Variants in HNRNPK observed in about 807,000 individuals in gnomAD.
HNRNPK encodes heterogeneous nuclear ribonucleoprotein K.
In HNRNPK, 7 loss-of-function variants were observed where a neutral mutation model predicts 67.0. The observed-to-expected ratio is 0.10, with a 90% confidence interval of 0.06 to 0.20. The LOEUF is 0.20. HNRNPK is among the 10% of genes least tolerant of loss of function. HNRNPK has a pLI of 1.00. For synonymous variants in HNRNPK, 213 were observed against 193.7 expected, an observed-to-expected ratio of 1.10 and a Z score of -0.83; for missense variants, 264 against 606.5, an observed-to-expected ratio of 0.44 and a Z score of 5.93.
At chr9:83,972,523 A>T (rs1042480004) in intron 10 of HNRNPK, among the ~76,000 whole-genome samples, 3 of 152,246 alleles carry the variant, frequency 2.0e-5, no homozygotes, top group Admixed American at 1.3e-4. Flanking sequence ...AGGGCTGAAG[A>T]GATCAGTCTT....
At chr9:83,976,382 G>C (rs1957064719) in intron 5 of HNRNPK, 1 of 152,366 alleles carries the variant, frequency 6.6e-6, no homozygotes, top group Admixed American at 6.5e-5. Flanking sequence ...GCTCACTTCT[G>C]GCACTGCCAA....
At chr9:83,969,517 A>G (rs1956725372) in intron 16 of HNRNPK, 77 bp from the exon 17 acceptor site, 1 of 880,020 alleles carries the variant, frequency 1.1e-6, no homozygotes, top group Non-Finnish European at 1.9e-6. Flanking sequence ...GACAATTTCA[A>G]TGCTAAATTA....
chr9:83,970,485 T>C, intron 15 of HNRNPK, 154 bp from the exon 16 acceptor site: 1 of 677,042 alleles, frequency 1.5e-6, no homozygotes, highest in East Asian at 2.7e-5. Flanking sequence ...AGTTATAATG[T>C]ATTTATGTCA....
At chr9:83,976,766 C>CT (rs1554701202) in intron 5 of HNRNPK, 1 of 383,186 alleles carries the variant, frequency 2.6e-6, no homozygotes, top group African/African-American at 2.1e-5. Flanking sequence ...TTGGTGGACT[C>CT]TTATTAAAAT....
At chr9:83,972,809 A>AAAC (rs1956913401) in intron 10 of HNRNPK, 35 bp downstream of exon 10, 1 of 1,523,906 alleles carries the variant, frequency 6.6e-7, no homozygotes, top group South Asian at 1.2e-5. Context: ...TTTGTTTCAT[A>AAAC]AAATCAAATG....
chr9:83,969,504 CAA>C (rs1956724883), intron 16 of HNRNPK, 64 bp from the exon 17 acceptor site: 6 of 977,666 alleles, frequency 6.1e-6, no homozygotes, highest in South Asian at 5.5e-5. Flanking sequence ...TAATCAACAT[CAA>C]GACAATTTCA....
Position 83,978,286 on chromosome 9 carries a change from A to G in HNRNPK, c.-27-7T>C, listed in dbSNP as rs1371086699. 6.2e-7 allele frequency: 1 copy of G among 1,600,308 alleles called. No individual in the cohort carries two copies. The highest frequency in any genetic ancestry group is 1.1e-5 in the South Asian group (1 of 88,472). ...ATTAAACGGGCACACCAATCTGTGG[A>G]AAAATAAAGCAGCTAGTACATTTGG... On this transcript the variant is annotated splice_polypyrimidine_tract_variant and splice_region_variant and intron_variant, in intron 2 of 16. Coordinates refer to ENST00000376263, the MANE Select transcript of HNRNPK (RefSeq NM_031263.4).
intron 7 of HNRNPK, among the ~76,000 whole-genome samples, 199 bp downstream of exon 7, chr9:83,974,318 C>A (rs1319109183): frequency 6.7e-6 from 1 of 150,028 alleles, no homozygotes; most frequent in Non-Finnish European, 1.5e-5. Flanking sequence ...CACATTTACT[C>A]CAGGAGTGGC....
chr9:83,977,523 G>A lies in HNRNPK; in HGVS notation c.156+166C>T, dbSNP rs969148. Among the ~76,000 whole-genome samples the A allele has an allele frequency of 0.068, 10,305 of 152,174 alleles. 1,118 individuals are homozygous for A. Among genetic ancestry groups the A allele is most frequent in the African/African-American group, 0.23 (9,617 of 41,480 alleles). On this transcript the variant is annotated intron_variant, in intron 4 of 16. Transcript: ENST00000376263. ...TACAGCAAGGGCTTTAATCTTAACTGTTAGTGGAATAAGAAAACCACCAGA... is the reference window on the plus strand; with the variant it reads ...TACAGCAAGGGCTTTAATCTTAACTATTAGTGGAATAAGAAAACCACCAGA...
chr9:83,971,051 C>T (rs535402341), intron 13 of HNRNPK, 139 bp from the exon 14 acceptor site: 1 of 840,338 alleles, frequency 1.2e-6, no homozygotes, highest in Non-Finnish European at 1.9e-6. Context: ...AAGTGATCCT[C>T]CTGCCTCAGA....
At chr9:83,977,899 CAT>C in intron 3 of HNRNPK, 113 bp from the exon 4 acceptor site, 2 of 684,634 alleles carry the variant, frequency 2.9e-6, no homozygotes, top group Non-Finnish European at 5.0e-6. Context: ...AGACCAAAGG[CAT>C]TGCTACAGAC....
At position 83,977,016 on chromosome 9, in the gene HNRNPK, A is replaced by G. The variant is rs759050275; in HGVS notation, c.192T>C (p.Asn64=). The change falls in exon 5 of 17, where the codon AAT becomes AAC. Residue 64 remains asparagine (N), a synonymous_variant. Transcript: ENST00000376263. ...TTACGTCTGTACGGAGAGCCTTAAT[A>G]TTCTTGCCTCCTTTTCCAATCACTG... ...AGAVIGKGGK[N]IKALRTDYNA... The G allele has an allele frequency of 6.2e-6, 10 of 1,610,844 alleles. No individual in the cohort carries two copies. Among genetic ancestry groups the G allele is most frequent in the African/African-American group, 1.3e-5 (1 of 74,866 alleles).
At position 83,968,868 on chromosome 9, in the gene HNRNPK, T is replaced by C. The variant is rs1444222693; in HGVS notation, c.*539A>G. ...GGTGGGTTGGGAAATTCAGCCACCA[T>C]TTTAAAATGACTGTCTTAAAAAAAA... is the stretch of plus-strand genomic sequence containing the variant. On this transcript the variant is annotated 3_prime_UTR_variant, in exon 17 of 17. Transcript: ENST00000376263. 1 of 153,436 alleles carries C rather than the reference T, an allele frequency of 6.5e-6. No homozygotes were observed. The highest frequency in any genetic ancestry group is 1.5e-5 in the Non-Finnish European group (1 of 68,636). The allele number at this position is 153,436 out of a possible 1,614,324, so 9.5% of individuals were successfully genotyped here.
At chr9:83,976,002 T>C (rs1957049444) in intron 5 of HNRNPK, among the ~76,000 whole-genome samples, 1 of 152,030 alleles carries the variant, frequency 6.6e-6, no homozygotes, top group Admixed American at 6.5e-5. Context: ...AATGGGGAAA[T>C]TAATAACCCA....
At chr9:83,975,229 T>C (rs956836865) in intron 6 of HNRNPK, among the ~76,000 whole-genome samples, 1 of 152,188 alleles carries the variant, frequency 6.6e-6, no homozygotes, top group African/African-American at 2.4e-5. Context: ...GCGGCAAATA[T>C]GCAACACTTG....
intron 3 of HNRNPK, 73 bp downstream of exon 3, chr9:83,978,122 G>A (rs1957154702): frequency 7.4e-6 from 7 of 952,138 alleles, no homozygotes; most frequent in Non-Finnish European, 1.0e-5. Flanking sequence ...CACTCCTAAG[G>A]CAATAATTAA....
In HNRNPK at chr9:83,971,949, G is replaced by T; in HGVS notation, c.886C>A (p.Arg296=). 6.2e-7 allele frequency: 1 copy of T among 1,600,554 alleles called. No individual in the cohort carries two copies. The highest frequency in any genetic ancestry group is 8.5e-7 in the Non-Finnish European group (1 of 1,170,412). Residue 296 remains arginine, a synonymous_variant, in exon 11 of 17, where the codon CGA becomes AGA. Transcript: ENST00000376263. ...GCTCTGCTACCACCCCGGCCGCCTC[G>T]TCCGGGAGGAGGGGGAGGTGGTCCT... ...RRGPPPPPPG[R]GGRGGSRARN...
At chr9:83,976,863 C>A (rs1157533616) in intron 5 of HNRNPK, 132 bp downstream of exon 5, 22 of 565,326 alleles carry the variant, frequency 3.9e-5, no homozygotes, top group Middle Eastern at 4.9e-4. Flanking sequence ...GAAATCAATT[C>A]TGTAATAATA....
chr9:83,976,161 T>C (rs1472451343), intron 5 of HNRNPK, among the ~76,000 whole-genome samples: 2 of 152,218 alleles, frequency 1.3e-5, no homozygotes, highest in South Asian at 2.1e-4. Flanking sequence ...ACAGGCAAGT[T>C]TGTAAAATTT....
Sources: allele counts gnomAD v4.1 joint callset (sites outside exome capture counted in the v4.1 genomes callset), GRCh38; gene constraint gnomAD v4.1.1; transcripts MANE v1.5; gene names NCBI Gene and HGNC (gene_info 2026-07-23, HGNC 2026-07-21).